UNC80: variants seen among roughly 807,000 people sequenced by gnomAD.
UNC80 encodes the protein unc-80 subunit of NALCN channel complex, also known as protein unc-80 homolog.
In UNC80, 164 loss-of-function variants were observed where a neutral mutation model predicts 384.6. The observed-to-expected ratio is 0.43, with a 90% CI of 0.38 to 0.49. UNC80 has a LOEUF of 0.49. Ranked by LOEUF, UNC80 falls within the 20% of genes least tolerant of loss-of-function variation. The pLI, the probability that UNC80 is intolerant of heterozygous loss-of-function variation, is 0.00. For synonymous variants in UNC80, 1,486 were observed against 1,527.8 expected, an observed-to-expected ratio of 0.97 and a Z score of 0.64; for missense variants, 3,330 against 4,143.0, an observed-to-expected ratio of 0.80 and a Z score of 5.39.
rs549863406 is a variant in UNC80 at position 209,915,247 on chromosome 2, CA to C, written c.5029+1315del. Among the ~76,000 whole-genome samples, 267 of 151,058 alleles carry C rather than the reference CA, an allele frequency of 1.8e-3. 1 individual carries two copies. Among genetic ancestry groups the C allele is most frequent in the Non-Finnish European group, 2.1e-3 (139 of 67,688 alleles). ...GTGAAACCCATCTCTACTAAAAATA[CA>C]AAAAAAATTAGCCGGGCATGGTGGC... is the stretch of plus-strand genomic sequence containing the variant. On this transcript the variant is annotated intron_variant, in intron 31 of 64. Coordinates refer to ENST00000673920, the MANE Select transcript of UNC80 (RefSeq NM_001371986.1).
chr2:209,773,495 T>C (rs1480040063), intron 2 of UNC80, among the ~76,000 whole-genome samples: 1 of 152,098 alleles, frequency 6.6e-6, no homozygotes, highest in African/African-American at 2.4e-5. Context: ...TACCCATTAA[T>C]GTGAACCTTG....
intron 22 of UNC80, among the ~76,000 whole-genome samples, chr2:209,868,697 A>G (rs764529313): frequency 3.9e-5 from 6 of 152,210 alleles, no homozygotes; most frequent in South Asian, 2.1e-4. Context: ...ATGCTGTGCA[A>G]TGACATTCAT....
At chr2:209,858,509 A>C (rs1045120534) in intron 22 of UNC80, among the ~76,000 whole-genome samples, 1 of 152,084 alleles carries the variant, frequency 6.6e-6, no homozygotes, top group Non-Finnish European at 1.5e-5. Context: ...GGAGTTCAAG[A>C]CCAGCCTGGC....
At position 209,820,345 on chromosome 2, in the gene UNC80, A is replaced by G. The variant is rs1442588835; in HGVS notation, c.1997A>G (p.His666Arg). Residue 666 changes from histidine to arginine, a missense_variant, in exon 13 of 65, where the codon CAT becomes CGT. His to Arg is a conservative substitution (Grantham distance 29). Transcript: ENST00000673920. ...VLKAVYLVLN[H>R]DISSRICDVA... ...AAGGCTGTTTATCTTGTCCTTAATCATGACATCAGCTCTCGTATCTGTGAC... is the reference window on the plus strand; with the variant it reads ...AAGGCTGTTTATCTTGTCCTTAATCGTGACATCAGCTCTCGTATCTGTGAC... The G allele has an allele frequency of 7.1e-6, 11 of 1,549,878 alleles. No individual in the cohort carries two copies. Among genetic ancestry groups the G allele is most frequent in the African/African-American group, 1.4e-5 (1 of 72,962 alleles).
In UNC80 at chr2:209,993,371, A is replaced by G. The variant is rs755213717; in HGVS notation, c.9453A>G (p.Gln3151=). ...CTCAGACTGAACCCAGAAATCGCCA[A>G]GGGGCTCGGCTGTCAACCACTCGCA... ...QKTQTEPRNR[Q]GARLSTTRRS... is the part of the protein sequence containing the mutation. The change falls in exon 63 of 65, where the codon CAA becomes CAG. Residue 3151 remains glutamine (Q), a synonymous_variant. Transcript: ENST00000673920. 44 of 1,551,830 alleles carry G rather than the reference A, an allele frequency of 2.8e-5. No individual in the cohort carries two copies. The East Asian group carries it at 9.8e-4, about 34-fold the overall frequency.
chr2:209,897,403 T>C (rs1245525845), intron 28 of UNC80, among the ~76,000 whole-genome samples: 1 of 152,184 alleles, frequency 6.6e-6, no homozygotes, highest in Non-Finnish European at 1.5e-5. Flanking sequence ...TTGTCTGTTT[T>C]TGAAATGCAT....
At chr2:209,775,213 C>CT (rs1395166967) in intron 2 of UNC80, among the ~76,000 whole-genome samples, 1 of 152,206 alleles carries the variant, frequency 6.6e-6, no homozygotes, top group Non-Finnish European at 1.5e-5. Context: ...CTGATACTCT[C>CT]TGAGTATCCC....
chr2:209,898,743 C>T (rs1430269651), intron 28 of UNC80, among the ~76,000 whole-genome samples: 1 of 152,058 alleles, frequency 6.6e-6, no homozygotes, highest in Non-Finnish European at 1.5e-5. Context: ...CATTAACTTT[C>T]CCCACCTCTC....
intron 42 of UNC80, among the ~76,000 whole-genome samples, chr2:209,938,496 G>A (rs112215440): frequency 9.7e-4 from 147 of 152,156 alleles, no homozygotes; most frequent in Admixed American, 2.0e-3. Context: ...ATTAACTACC[G>A]ACATTCTATT....
At chr2:209,866,523 C>T (rs895791703) in intron 22 of UNC80, among the ~76,000 whole-genome samples, 15 of 137,150 alleles carry the variant, frequency 1.1e-4, no homozygotes, top group Middle Eastern at 3.6e-3. Flanking sequence ...CACACACACA[C>T]ACACACACAC....
intron 51 of UNC80, chr2:209,961,105 G>C (rs1460915790): frequency 6.6e-6 from 1 of 152,174 alleles, no homozygotes; most frequent in Admixed American, 6.6e-5. Context: ...GGGAGAGAGA[G>C]AGAGAGAGAC....
intron 55 of UNC80, 113 bp from the exon 56 acceptor site, chr2:209,972,951 T>A: frequency 1.1e-6 from 1 of 885,660 alleles, no homozygotes. Context: ...CCTGAATTTC[T>A]AGGGTGTTGT....
chr2:209,832,957 C>A lies in UNC80; in HGVS notation c.2776-1045C>A, dbSNP rs995097428. On this transcript the variant is annotated intron_variant, in intron 16 of 64. Coordinates refer to ENST00000673920, the MANE Select transcript of UNC80 (RefSeq NM_001371986.1). The stretch of plus-strand genomic sequence containing the variant: ...TCCACAGGTCTCAATGATTAGCCTA[C>A]ACCTCTGATTTCACATAGTACTCTT... Among the ~76,000 whole-genome samples, 5 of 152,294 alleles carry A rather than the reference C, an allele frequency of 3.3e-5. No homozygotes were observed. The East Asian group carries it at 9.6e-4, about 29-fold the overall frequency.
chr2:209,952,924 G>C lies in UNC80; in HGVS notation c.7287-1176G>C, dbSNP rs1388954405. On this transcript the variant is annotated intron_variant, in intron 47 of 64. Transcript: ENST00000673920. ...TGATAATTGCCATTTCCTGCTTATAGAGCACATATTATAGGCAAAATTATA... is the reference window on the plus strand; with the variant it reads ...TGATAATTGCCATTTCCTGCTTATACAGCACATATTATAGGCAAAATTATA... Among the ~76,000 whole-genome samples, 3 of 152,058 alleles carry C rather than the reference G, an allele frequency of 2.0e-5. No homozygotes were observed. In the East Asian group the frequency reaches 5.8e-4, roughly 29 times the overall value.
At chr2:209,852,996 C>G (rs16843821) in intron 22 of UNC80, among the ~76,000 whole-genome samples, 26,796 of 151,878 alleles carry the variant, frequency 0.18, 3,235 homozygotes, top group African/African-American at 0.34. Context: ...ATGAGGTACA[C>G]ATGTGGATCT....
rs904613800 is a variant in UNC80 at position 209,786,084 on chromosome 2, C to T, written c.619C>T (p.Arg207Cys). 3 of 1,613,874 alleles carry T rather than the reference C, an allele frequency of 1.9e-6. No homozygotes were observed. Among genetic ancestry groups the T allele is most frequent in the Non-Finnish European group, 2.5e-6 (3 of 1,179,878 alleles). Residue 207 changes from arginine to cysteine, a missense_variant, in exon 5 of 65, where the codon CGT (arginine) becomes TGT (cysteine). Transcript: ENST00000673920. ...CCCCTAGGAATCTGACCTCACCTTCCGTCTGGCCAGTGGGCTTGTTATATG... is the reference window on the plus strand; with the variant it reads ...CCCCTAGGAATCTGACCTCACCTTCTGTCTGGCCAGTGGGCTTGTTATATG... The part of the protein sequence containing the change: ...HRIKESDLTF[R>C]LASGLVIWQP...
intron 6 of UNC80, among the ~76,000 whole-genome samples, chr2:209,791,768 T>C (rs2077815967): frequency 8.0e-6 from 1 of 124,642 alleles, no homozygotes; most frequent in Non-Finnish European, 1.6e-5. Context: ...TGCAGTGAGC[T>C]GAGATCGTGC....
At chr2:209,988,070 G>GA (rs2093324396) in intron 61 of UNC80, among the ~76,000 whole-genome samples, 1 of 152,084 alleles carries the variant, frequency 6.6e-6, no homozygotes, top group African/African-American at 2.4e-5. Flanking sequence ...TAGTTTCTCA[G>GA]ATGTTGTTGA....
chr2:209,928,881 G>A lies in UNC80; in HGVS notation c.5807-990G>A, dbSNP rs149600716. On this transcript the variant is annotated intron_variant, in intron 36 of 64. Coordinates refer to ENST00000673920, the MANE Select transcript of UNC80 (RefSeq NM_001371986.1). ...TAGCACTATTCTACTGTCCACTTCC[G>A]AGAGATCAACTTATTTAGCTTCTAC... Among the ~76,000 whole-genome samples the A allele has an allele frequency of 3.2e-4, 49 of 152,002 alleles. No homozygotes were observed. The East Asian group carries it at 7.7e-3, about 24-fold the overall frequency.
Sources: allele counts gnomAD v4.1 joint callset (sites outside exome capture counted in the v4.1 genomes callset), GRCh38; gene constraint gnomAD v4.1.1; transcripts MANE v1.5; gene names NCBI Gene and HGNC (gene_info 2026-07-23, HGNC 2026-07-21).